Variants in POLN observed in about 807,000 individuals in gnomAD.
The protein encoded by POLN is DNA polymerase nu.
Under a neutral mutation model 113.5 loss-of-function variants are expected in POLN, and 108 were observed. The ratio of observed to expected loss-of-function variants is 0.95; its 90% confidence interval spans 0.81 to 1.12. The LOEUF (loss-of-function observed/expected upper bound fraction) is 1.12. POLN is among the 50% of genes most tolerant of loss of function. The pLI is 0.00. For synonymous variants in POLN, 386 were observed against 391.5 expected, an observed-to-expected ratio of 0.99 and a Z score of 0.17; for missense variants, 1,097 against 1,077.1, an observed-to-expected ratio of 1.02 and a Z score of -0.26.
intron 3 of POLN, among the ~76,000 whole-genome samples, chr4:2,215,255 C>G (rs952567968): frequency 1.3e-5 from 2 of 152,078 alleles, no homozygotes; most frequent in Non-Finnish European, 2.9e-5. Flanking sequence ...GAAAATGACT[C>G]CAGCTATAGT....
At chr4:2,092,901 CA>C (rs1392899341) in intron 20 of POLN, among the ~76,000 whole-genome samples, 1 of 152,204 alleles carries the variant, frequency 6.6e-6, no homozygotes, top group Non-Finnish European at 1.5e-5. Flanking sequence ...GAACAGAGAC[CA>C]GCCTAAGCCC....
intron 3 of POLN, among the ~76,000 whole-genome samples, chr4:2,219,306 C>G (rs766560431): frequency 6.6e-6 from 1 of 152,178 alleles, no homozygotes; most frequent in African/African-American, 2.4e-5. Flanking sequence ...CCCTTTCCCC[C>G]TTGTATAAGT....
At chr4:2,115,425 T>G (rs925946562) in intron 19 of POLN, among the ~76,000 whole-genome samples, 6 of 151,992 alleles carry the variant, frequency 3.9e-5, no homozygotes, top group African/African-American at 1.4e-4. Flanking sequence ...CCTATGTAGT[T>G]TTCACTTCTC....
At chr4:2,210,369 A>T (rs1733959129) in intron 4 of POLN, among the ~76,000 whole-genome samples, 1 of 151,764 alleles carries the variant, frequency 6.6e-6, no homozygotes, top group Admixed American at 6.6e-5. Flanking sequence ...GCTTGAGCCC[A>T]GGAGTTCAAG....
chr4:2,156,384 T>C (rs1433912986), intron 16 of POLN: 1 of 440,472 alleles, frequency 2.3e-6, no homozygotes, highest in African/African-American at 2.1e-5. Flanking sequence ...GCTTTTTTTT[T>C]TTTTTTCTTC....
At chr4:2,149,430 T>C (rs536728912) in intron 16 of POLN, among the ~76,000 whole-genome samples, 1 of 152,122 alleles carries the variant, frequency 6.6e-6, no homozygotes, top group Admixed American at 6.5e-5. Flanking sequence ...ATGCAGGAAA[T>C]GTTAAAGGAT....
At chr4:2,103,872 T>C (rs879934476) in intron 19 of POLN, among the ~76,000 whole-genome samples, 3 of 152,302 alleles carry the variant, frequency 2.0e-5, no homozygotes, top group Middle Eastern at 6.8e-3. Flanking sequence ...TCCAGTAATA[T>C]AACCTTCATA....
At position 2,160,464 on chromosome 4, in the gene POLN, T is replaced by C. The variant is rs535469360; in HGVS notation, c.1555-1253A>G. ...CTCTGTTCCCCGGGCTGGAGTGAAGTCGTGCAATCATAACTCACTGCAACC... is the reference window on the plus strand; with the variant it reads ...CTCTGTTCCCCGGGCTGGAGTGAAGCCGTGCAATCATAACTCACTGCAACC... On this transcript the variant is annotated intron_variant, in intron 13 of 25. Coordinates refer to ENST00000511885, the MANE Select transcript of POLN (RefSeq NM_181808.4). Among the ~76,000 whole-genome samples the C allele has an allele frequency of 7.2e-5, 11 of 152,206 alleles. No individual in the cohort carries two copies. In the East Asian group the frequency reaches 2.1e-3, roughly 29 times the overall value.
intron 5 of POLN, among the ~76,000 whole-genome samples, chr4:2,207,350 GAAAGGAAAAGGA>G (rs894462896): frequency 2.0e-5 from 3 of 149,558 alleles, no homozygotes; most frequent in Non-Finnish European, 2.9e-5. Flanking sequence ...GAAAGGAAAG[GAAAGGAAAAGGA>G]AAAGGAAAAT....
intron 19 of POLN, among the ~76,000 whole-genome samples, chr4:2,123,217 G>C (rs1226982501): frequency 1.3e-5 from 2 of 152,142 alleles, no homozygotes; most frequent in African/African-American, 4.8e-5. Flanking sequence ...AGCTGGGCGT[G>C]GTGGTTCACA....
chr4:2,146,094 T>TATAA (rs201131906), intron 16 of POLN, among the ~76,000 whole-genome samples: 35 of 150,958 alleles, frequency 2.3e-4, no homozygotes, highest in African/African-American at 8.2e-4. Context: ...TTTAAGAAAA[T>TATAA]ATAAATAAAT....
At chr4:2,240,665 C>A (rs776498991) in intron 2 of POLN, 1 of 1,613,788 alleles carries the variant, frequency 6.2e-7, no homozygotes, top group Non-Finnish European at 8.5e-7. Flanking sequence ...CTTTATCATC[C>A]AGTCTAGGTG....
chr4:2,079,160 G>T (rs1441620214), intron 23 of POLN: 1 of 179,074 alleles, frequency 5.6e-6, no homozygotes, highest in Non-Finnish European at 1.1e-5. Context: ...ACAAACTTCT[G>T]AGCTCAAGTG....
At chr4:2,166,393 G>A (rs1168588912) in intron 13 of POLN, among the ~76,000 whole-genome samples, 1 of 152,226 alleles carries the variant, frequency 6.6e-6, no homozygotes, top group Non-Finnish European at 1.5e-5. Context: ...AGTCTGGAGT[G>A]TGTCACTCTC....
At chr4:2,223,282 G>A (rs1182087386) in intron 3 of POLN, among the ~76,000 whole-genome samples, 2 of 152,132 alleles carry the variant, frequency 1.3e-5, no homozygotes, top group Non-Finnish European at 1.5e-5. Context: ...GTACCTGTCT[G>A]TAGTCTGCTA....
At chr4:2,089,756 A>T in intron 20 of POLN, 1 of 705,134 alleles carries the variant, frequency 1.4e-6, no homozygotes, top group South Asian at 1.8e-5. Context: ...ATCATTATGG[A>T]CTTTAAATCT....
intron 19 of POLN, among the ~76,000 whole-genome samples, chr4:2,099,918 A>G (rs1937043835): frequency 6.6e-6 from 1 of 152,038 alleles, no homozygotes; most frequent in Non-Finnish European, 1.5e-5. Context: ...AAATACAAAA[A>G]AATTAGCCAG....
Position 2,208,251 on chromosome 4 carries a change from T to C in POLN, c.450A>G (p.Gly150=), listed in dbSNP as rs1279764225. The change falls in exon 5 of 26, where the codon GGA becomes GGG. Residue 150 remains glycine, a synonymous_variant. Coordinates refer to ENST00000511885, the MANE Select transcript of POLN (RefSeq NM_181808.4). Reference sequence around the variant, plus strand: ...TATGTTTTCTTTTAAGATTAATGCTTCCTTTATTTTCATTATTTATATTCT... The same window carrying C: ...TATGTTTTCTTTTAAGATTAATGCTCCCTTTATTTTCATTATTTATATTCT... The part of the protein sequence containing the change: ...LMENINNENK[G]SINLKRKHIT... 8 of 1,585,474 alleles carry C rather than the reference T, an allele frequency of 5.0e-6. No individual in the cohort carries two copies. The Admixed American group carries it at 6.9e-5, about 14-fold the overall frequency.
At chr4:2,102,713 G>A (rs556481369) in intron 19 of POLN, among the ~76,000 whole-genome samples, 4 of 152,176 alleles carry the variant, frequency 2.6e-5, no homozygotes, top group Non-Finnish European at 4.4e-5. Context: ...AACCTGAAGA[G>A]AGGCCCATCT....
Sources: allele counts gnomAD v4.1 joint callset (sites outside exome capture counted in the v4.1 genomes callset), GRCh38; gene constraint gnomAD v4.1.1; transcripts MANE v1.5; gene names NCBI Gene and HGNC (gene_info 2026-07-23, HGNC 2026-07-21).